CAMTA1: variants seen among roughly 807,000 people sequenced by gnomAD.
CAMTA1 encodes the protein calmodulin-binding transcription activator 1.
A neutral mutation model predicts 170.9 loss-of-function variants in CAMTA1; 27 were observed. That is an observed-to-expected ratio of 0.16 (90% confidence interval 0.12 to 0.22). The LOEUF is 0.22. Among genes scored for constraint, CAMTA1 ranks in the 10% least tolerant of loss-of-function variants. The pLI, the probability that CAMTA1 is intolerant of heterozygous loss-of-function variation, is 1.00. For synonymous variants in CAMTA1, 833 were observed against 891.5 expected (o/e 0.93, Z 1.17); for missense variants, 1,619 against 2,217.2 (o/e 0.73, Z 5.42).
chr1:7,433,183 G>C (rs2092237138), intron 5 of CAMTA1, among the ~76,000 whole-genome samples: 1 of 152,254 alleles, frequency 6.6e-6, no homozygotes, highest in Non-Finnish European at 1.5e-5. Context: ...GCCAGCCTAA[G>C]GCTTGTGGCT....
chr1:7,591,097 C>A (rs538066335), intron 6 of CAMTA1, among the ~76,000 whole-genome samples: 5 of 152,106 alleles, frequency 3.3e-5, no homozygotes, highest in Non-Finnish European at 7.4e-5. Context: ...TGGGACTAGA[C>A]CCTCACTCCG....
chr1:7,343,855 T>G (rs1177783092), intron 5 of CAMTA1, among the ~76,000 whole-genome samples: 1 of 152,258 alleles, frequency 6.6e-6, no homozygotes, highest in African/African-American at 2.4e-5. Context: ...ATCTCATTTA[T>G]GTGGTTGATG....
At position 7,234,442 on chromosome 1, in the gene CAMTA1, G is replaced by A. The variant is rs1377017993; in HGVS notation, c.303-15049G>A. 6.6e-6 allele frequency among the ~76,000 whole-genome samples: 1 copy of A among 152,164 alleles called. No homozygotes were observed. Among genetic ancestry groups the A allele is most frequent in the Non-Finnish European group, 1.5e-5 (1 of 68,030 alleles). On this transcript the variant is annotated intron_variant, in intron 4 of 22. Transcript: ENST00000303635. The surrounding 1 kb of genome is among the most constrained non-coding windows in gnomAD (Gnocchi z 5.0). ...TGCAGCTCTGGGGCCTGCCCAGGGC[G>A]GGCCTCTGTGCGTCATTGTTCTTCC...
chr1:7,266,891 G>T (rs1320188398), intron 5 of CAMTA1, among the ~76,000 whole-genome samples: 1 of 152,182 alleles, frequency 6.6e-6, no homozygotes, highest in African/African-American at 2.4e-5. Flanking sequence ...AGGGGGCGCG[G>T]TGGAGGGGCC....
chr1:7,736,823 A>ATGT lies in CAMTA1; in HGVS notation c.3264-106_3264-104dup. On this transcript the variant is annotated intron_variant, in intron 13 of 22. Transcript: ENST00000303635. This position sits in a 1 kb window ranked among gnomAD's most constrained non-coding sequence, Gnocchi z 4.5. ...GGGACTCTGTTTCTTCACCATGGGG[A>ATGT]TGTTATATACCCAGTTGGGTTTCAT... 2.3e-6 allele frequency: 2 copies of ATGT among 886,968 alleles called. No homozygotes were observed. Among genetic ancestry groups the ATGT allele is most frequent in the East Asian group, 5.3e-5 (2 of 38,022 alleles). The allele number at this position is 886,968 out of a possible 1,614,324, so 54.9% of individuals were successfully genotyped here. A position where few individuals can be genotyped will look rare whatever the true frequency, so the allele number is the denominator to read the frequency against.
intron 4 of CAMTA1, among the ~76,000 whole-genome samples, chr1:7,205,177 C>T (rs944878636): frequency 2.7e-5 from 4 of 149,996 alleles, no homozygotes; most frequent in East Asian, 2.0e-4. Flanking sequence ...TTGTGCTCTC[C>T]GCTCACTGCA....
At chr1:7,415,201 G>A (rs2091074678) in intron 5 of CAMTA1, among the ~76,000 whole-genome samples, 1 of 151,854 alleles carries the variant, frequency 6.6e-6, no homozygotes, top group Non-Finnish European at 1.5e-5. Flanking sequence ...TTTTGGAATA[G>A]GTGTGGTGTG....
rs922087660 is a variant in CAMTA1 at position 7,659,392 on chromosome 1, G to A, written c.665-2334G>A. ...CTACTAAAAATACAAAAATTAGCCA[G>A]GCCCGGTGGCAGGCGCCTGTAATCC... On this transcript the variant is annotated intron_variant, in intron 7 of 22. Coordinates refer to ENST00000303635, the MANE Select transcript of CAMTA1 (RefSeq NM_015215.4). Among the ~76,000 whole-genome samples the A allele has an allele frequency of 2.6e-5, 4 of 152,164 alleles. 1 individual carries two copies. The highest frequency in any genetic ancestry group is 9.7e-5 in the African/African-American group (4 of 41,420).
chr1:7,506,704 C>T (rs1157509051), intron 6 of CAMTA1, among the ~76,000 whole-genome samples: 2 of 152,016 alleles, frequency 1.3e-5, no homozygotes, highest in Non-Finnish European at 2.9e-5. Context: ...AATGCACACT[C>T]ACACGCTCAC....
In CAMTA1 at chr1:7,132,073, G is replaced by GCA. The variant is rs980066613; in HGVS notation, c.302+40710_302+40711dup. 6.3e-5 allele frequency among the ~76,000 whole-genome samples: 9 copies of GCA among 142,104 alleles called. No individual in the cohort carries two copies. In the East Asian group the frequency reaches 1.2e-3, roughly 19 times the overall value. 93.2% of individuals were successfully genotyped at this position (142,104 alleles called of 152,430 possible). ...TACACACACACACACACACACACAC[G>GCA]CACACACACTCCAATTTTGTTCATT... On this transcript the variant is annotated intron_variant, in intron 4 of 22. Transcript: ENST00000303635.
Position 7,286,305 on chromosome 1 carries a change from C to T in CAMTA1, c.438+36679C>T, listed in dbSNP as rs1672340971. Among the ~76,000 whole-genome samples, 3 of 152,176 alleles carry T rather than the reference C, an allele frequency of 2.0e-5. No individual in the cohort carries two copies. The highest frequency in any genetic ancestry group is 2.1e-4 in the South Asian group (1 of 4,832). The stretch of plus-strand genomic sequence containing the variant: ...GGGGCGGAGGCGCCAGGGTGTGCCA[C>T]GTGCTTTTAGAGCTGCCCCAGCAAC... On this transcript the variant is annotated intron_variant, in intron 5 of 22. Coordinates refer to ENST00000303635, the MANE Select transcript of CAMTA1 (RefSeq NM_015215.4). This position sits in a 1 kb window ranked among gnomAD's most constrained non-coding sequence, Gnocchi z 4.2.
intron 6 of CAMTA1, among the ~76,000 whole-genome samples, chr1:7,513,337 T>C (rs1389187419): frequency 6.6e-6 from 1 of 152,130 alleles, no homozygotes; most frequent in Non-Finnish European, 1.5e-5. Context: ...CCTTGGAATT[T>C]CAGCTTGGAG....
intron 6 of CAMTA1, among the ~76,000 whole-genome samples, chr1:7,553,657 TC>T (rs1292953432): frequency 6.6e-6 from 1 of 152,212 alleles, no homozygotes; most frequent in Non-Finnish European, 1.5e-5. Flanking sequence ...GAGAGAAACT[TC>T]CCTGGTTTAA....
intron 4 of CAMTA1, among the ~76,000 whole-genome samples, chr1:7,199,213 G>A (rs1410389749): frequency 1.3e-5 from 2 of 152,138 alleles, no homozygotes; most frequent in Admixed American, 1.3e-4. Flanking sequence ...ATTGGAGCCC[G>A]CCCCCACGCC....
At chr1:7,407,051 C>T (rs72856609) in intron 5 of CAMTA1, among the ~76,000 whole-genome samples, 2,178 of 152,304 alleles carry the variant, frequency 0.014, 49 homozygotes, top group African/African-American at 0.049. Flanking sequence ...CAACCTTGCA[C>T]TTAGTGCGAG....
At chr1:7,304,193 A>C (rs762099929) in intron 5 of CAMTA1, among the ~76,000 whole-genome samples, 4 of 152,222 alleles carry the variant, frequency 2.6e-5, no homozygotes, top group East Asian at 1.9e-4. Flanking sequence ...TGAATGGTGC[A>C]CTTGAAAACG....
intron 11 of CAMTA1, among the ~76,000 whole-genome samples, chr1:7,684,359 G>A (rs2096240840): frequency 6.6e-6 from 1 of 152,210 alleles, no homozygotes; most frequent in Non-Finnish European, 1.5e-5. Context: ...GTCAAGATCA[G>A]CCAGCTGTTC....
At chr1:6,872,755 C>T (rs1391134821) in intron 3 of CAMTA1, among the ~76,000 whole-genome samples, 1 of 152,156 alleles carries the variant, frequency 6.6e-6, no homozygotes, top group East Asian at 1.9e-4. Context: ...TGGCAAGATA[C>T]TCCTTAGAAA....
chr1:7,493,390 C>T lies in CAMTA1; in HGVS notation c.510+25489C>T, dbSNP rs567040877. 1.0e-3 allele frequency among the ~76,000 whole-genome samples: 152 copies of T among 148,972 alleles called. 18 individuals carry two copies. Among genetic ancestry groups the T allele is most frequent in the African/African-American group, 3.6e-3 (144 of 40,022 alleles). On this transcript the variant is annotated intron_variant, in intron 6 of 22. Transcript: ENST00000303635. ...ACACGTGCGCACACACAAACAAACA[C>T]GTGCACACACACAAAAACACAAACC...
Sources: allele counts gnomAD v4.1 joint callset (sites outside exome capture counted in the v4.1 genomes callset), GRCh38; gene constraint gnomAD v4.1.1; non-coding constraint Gnocchi (gnomAD v3.1); transcripts MANE v1.5; gene names NCBI Gene and HGNC (gene_info 2026-07-23, HGNC 2026-07-21).